Variants in OTOA observed in about 807,000 individuals in gnomAD.
OTOA encodes cancer/testis antigen 108.
In OTOA, 70 loss-of-function variants were observed where a neutral mutation model predicts 110.8. The ratio of observed to expected loss-of-function variants is 0.63; its 90% confidence interval spans 0.52 to 0.77. OTOA has a LOEUF of 0.77. Ranked by LOEUF, OTOA falls within the 30% of genes least tolerant of loss-of-function variation. OTOA has a pLI of 0.00. For synonymous variants in OTOA, 373 were observed against 431.5 expected (o/e 0.86, Z 1.68); for missense variants, 917 against 1,075.8 (o/e 0.85, Z 2.06).
chr16:21,708,493 C>A (rs1287852927), intron 12 of OTOA, among the ~76,000 whole-genome samples: 4 of 152,112 alleles, frequency 2.6e-5, no homozygotes, highest in Admixed American at 2.6e-4. Context: ...GTCTCTGATT[C>A]AGGAGGTCCG....
intron 9 of OTOA, among the ~76,000 whole-genome samples, chr16:21,696,236 G>T (rs1404325563): frequency 6.6e-6 from 1 of 151,986 alleles, no homozygotes; most frequent in East Asian, 1.9e-4. Flanking sequence ...CAGTGATGGG[G>T]AATTTCAAAA....
At chr16:21,714,875 G>A (rs1898500931) in intron 13 of OTOA, 110 bp from the exon 14 acceptor site, 2 of 1,411,028 alleles carry the variant, frequency 1.4e-6, no homozygotes, top group African/African-American at 1.4e-5. Context: ...TCACTGCTGT[G>A]CCCCTAAGGT....
Position 21,728,268 on chromosome 16 carries a change from G to A in OTOA, c.2044G>A (p.Val682Met), listed in dbSNP as rs1898989312. Residue 682 changes from valine (V) to methionine (M), a missense_variant, in exon 20 of 29, where the codon GTG becomes ATG. Coordinates refer to ENST00000646100, the MANE Select transcript of OTOA (RefSeq NM_144672.4). The stretch of plus-strand genomic sequence containing the variant: ...CGACTCCATTGCTGATGAGTACACT[G>A]TGGACATCATGGGGAACCTGCTGTG... ...LDDSIADEYT[V>M]DIMGNLLCHL... 1.2e-6 allele frequency: 2 copies of A among 1,614,046 alleles called. No homozygotes were observed. The highest frequency in any genetic ancestry group is 1.3e-5 in the African/African-American group (1 of 74,922).
chr16:21,665,490 T>A (rs934018464), intron 1 of OTOA, among the ~76,000 whole-genome samples: 5 of 152,168 alleles, frequency 3.3e-5, no homozygotes, highest in African/African-American at 9.7e-5. Context: ...CCCTGCATCA[T>A]AACCCCCTCC....
In OTOA at chr16:21,719,427, G is replaced by A. The variant is rs368537522; in HGVS notation, c.1729G>A (p.Asp577Asn). The A allele has an allele frequency of 9.3e-6, 15 of 1,613,982 alleles. No individual in the cohort carries two copies. The highest frequency in any genetic ancestry group is 1.3e-5 in the African/African-American group (1 of 74,914). Reference sequence around the variant, plus strand: ...CAAAGGCGTGACCTGCTCACACATTGATGCCATGAGCACTGACTTCTTTCT... The same window carrying A: ...CAAAGGCGTGACCTGCTCACACATTAATGCCATGAGCACTGACTTCTTTCT... ...LVKGVTCSHI[D>N]AMSTDFFLAH... is the part of the protein sequence containing the mutation. The change falls in exon 17 of 29, where the codon GAT (aspartate) becomes AAT (asparagine). Residue 577 changes from aspartate (D) to asparagine (N), a missense_variant. This residue lies in a region of OTOA where 840 missense variants were observed against 910.2 expected (regional missense o/e 0.92). Transcript: ENST00000646100.
rs373454098 is a variant in OTOA at position 21,681,772 on chromosome 16, G to A, written c.214G>A (p.Val72Ile). The A allele has an allele frequency of 4.3e-6, 7 of 1,613,944 alleles. No homozygotes were observed. Among genetic ancestry groups the A allele is most frequent in the Admixed American group, 1.7e-5 (1 of 59,982 alleles). ...GTGGACGGATGACCTGTCCCACAGA[G>A]TCCTGGCCTATCTGAATTCCCGGAA... The part of the protein sequence containing the change: ...HVWTDDLSHR[V>I]LAYLNSRNVA... Residue 72 changes from valine (V) to isoleucine (I), a missense_variant, in exon 6 of 29, where the codon GTC becomes ATC. By Grantham distance (29) the Val-to-Ile change is conservative (BLOSUM62 3). Transcript: ENST00000646100.
At chr16:21,699,425 C>T (rs1405785422) in intron 10 of OTOA, among the ~76,000 whole-genome samples, 1 of 152,116 alleles carries the variant, frequency 6.6e-6, no homozygotes, top group South Asian at 2.1e-4. Flanking sequence ...CACTTGAGCC[C>T]AGAAGTGCAA....
intron 6 of OTOA, among the ~76,000 whole-genome samples, chr16:21,682,978 G>A (rs988453537): frequency 2.0e-5 from 3 of 152,160 alleles, no homozygotes; most frequent in African/African-American, 7.2e-5. Flanking sequence ...AGCAATGCTT[G>A]CCACTTTTCT....
At chr16:21,669,315 C>T (rs1186135762) in intron 1 of OTOA, among the ~76,000 whole-genome samples, 2 of 152,038 alleles carry the variant, frequency 1.3e-5, no homozygotes, top group Non-Finnish European at 2.9e-5. Context: ...TGCACTCCAG[C>T]GTGCGTGACA....
In OTOA at chr16:21,690,218, G is replaced by C. The variant is rs188304123; in HGVS notation, c.636-1366G>C. 2.0e-5 allele frequency among the ~76,000 whole-genome samples: 3 copies of C among 152,074 alleles called. No individual in the cohort carries two copies. The East Asian group carries it at 5.8e-4, about 29-fold the overall frequency. ...TTTGTTTTTAAGTTCTGGGGTACAC[G>C]TGCAGGATGTGCAGGTTTGTTACAT... On this transcript the variant is annotated intron_variant, in intron 8 of 28. Transcript: ENST00000646100.
intron 22 of OTOA, among the ~76,000 whole-genome samples, chr16:21,738,737 G>T (rs556086526): frequency 2.0e-5 from 3 of 152,414 alleles, no homozygotes; most frequent in East Asian, 1.9e-4. Context: ...ATGGGTACAG[G>T]ATAGTGGGAT....
intron 20 of OTOA, among the ~76,000 whole-genome samples, chr16:21,728,748 C>T: frequency 6.6e-6 from 1 of 152,008 alleles, no homozygotes; most frequent in East Asian, 1.9e-4. Flanking sequence ...GCCACCACGC[C>T]CAGCTATTTT....
chr16:21,707,781 C>A (rs1221312371), intron 12 of OTOA, among the ~76,000 whole-genome samples: 4 of 122,936 alleles, frequency 3.3e-5, no homozygotes, highest in Non-Finnish European at 6.9e-5. Flanking sequence ...CTCCCCCCCC[C>A]ATCCCTTTCC....
At chr16:21,704,971 C>T in intron 11 of OTOA, 198 bp from the exon 12 acceptor site, 4 of 862,978 alleles carry the variant, frequency 4.6e-6, no homozygotes, top group South Asian at 1.3e-5. Flanking sequence ...GCCCCCATTC[C>T]TTGGTCTCGT....
rs536685371 is a variant in OTOA at position 21,717,001 on chromosome 16, G to T, written c.1583G>T (p.Gly528Val). Residue 528 changes from glycine (G) to valine (V), a missense_variant, in exon 15 of 29, where the codon GGA becomes GTA. Physicochemically the swap from Gly to Val is moderately radical, Grantham distance 109. Coordinates refer to ENST00000646100, the MANE Select transcript of OTOA (RefSeq NM_144672.4). Reference protein sequence around the residue: ...VSLFDLRRQPGFNSTVLKDKE... With the variant: ...VSLFDLRRQPVFNSTVLKDKE... ...CTCTTTGATTTAAGGAGGCAACCTG[G>T]ATTCAACTCTACAGTCCTGAAGGAT... 6.2e-7 allele frequency: 1 copy of T among 1,614,124 alleles called. No individual in the cohort carries two copies. The highest frequency in any genetic ancestry group is 2.2e-5 in the East Asian group (1 of 44,874).
chr16:21,750,463 C>T lies in OTOA; in HGVS notation c.2776-1472C>T, dbSNP rs1415459394. 1.5e-4 allele frequency among the ~76,000 whole-genome samples: 12 copies of T among 79,660 alleles called. No homozygotes were observed. In the East Asian group the frequency reaches 3.4e-3, roughly 23 times the overall value. 52.3% of individuals were successfully genotyped at this position (79,660 alleles called of 152,430 possible). A position where few individuals can be genotyped will look rare whatever the true frequency, so the allele number is the denominator to read the frequency against. ...TATTGACTCCCATTACTGGAAAGTTCAGGGGTAGTGTTCAGATACAGCTGG... is the reference window on the plus strand; with the variant it reads ...TATTGACTCCCATTACTGGAAAGTTTAGGGGTAGTGTTCAGATACAGCTGG... On this transcript the variant is annotated intron_variant, in intron 24 of 28. Transcript: ENST00000646100.
chr16:21,671,057 G>A lies in OTOA; in HGVS notation c.-5+6825G>A, dbSNP rs909701749. 2.0e-5 allele frequency among the ~76,000 whole-genome samples: 3 copies of A among 152,066 alleles called. 1 individual carries two copies. The highest frequency in any genetic ancestry group is 1.9e-4 in the East Asian group (1 of 5,194). ...TATCTTGAGGGTAATGGGGAGAGGC[G>A]GAGGGTGACATGAGTTTATTGAGAT... On this transcript the variant is annotated intron_variant, in intron 1 of 28. Coordinates refer to ENST00000646100, the MANE Select transcript of OTOA (RefSeq NM_144672.4).
intron 1 of OTOA, among the ~76,000 whole-genome samples, 200 bp downstream of exon 1, chr16:21,664,432 G>C (rs1261490982): frequency 6.6e-6 from 1 of 152,096 alleles, no homozygotes; most frequent in Non-Finnish European, 1.5e-5. Flanking sequence ...ACTTGGAGGG[G>C]GGGGACGATG....
chr16:21,722,918 C>T lies in OTOA; in HGVS notation c.1820C>T (p.Ala607Val), dbSNP rs764347046. ...TTAATCTTTCAGGTTAATTGTTTGG[C>T]GTGGAAATACTGGGAAGTTTCCAGA... ...LLSPYQVNCLAWKYWEVSRLS... is the reference protein window; with the variant it reads ...LLSPYQVNCLVWKYWEVSRLS... The change falls in exon 18 of 29, where the codon GCG becomes GTG. Residue 607 changes from alanine (A) to valine (V), a missense_variant. By Grantham distance (64) the Ala-to-Val change is moderately conservative. Around this residue, in one of 6 missense-constraint regions of OTOA, gnomAD observed 840 missense variants for 910.2 expected, o/e 0.92. Transcript: ENST00000646100. 5.6e-6 allele frequency: 9 copies of T among 1,614,086 alleles called. No individual in the cohort carries two copies. The highest frequency in any genetic ancestry group is 3.3e-4 in the Middle Eastern group (2 of 6,062).
Sources: gnomAD v4.1 joint callset for allele counts (sites outside exome capture counted in the v4.1 genomes callset) on GRCh38, gnomAD v4.1.1 for gene constraint, gnomAD v4.1.1 regional missense constraint, MANE v1.5 for transcripts, NCBI Gene and HGNC (gene_info 2026-07-23, HGNC 2026-07-21) for gene names.